Variants in STK39 observed in about 807,000 individuals in gnomAD.
STK39 encodes serine/threonine kinase 39.
STK39 carries 20 observed loss-of-function variants against 77.8 expected under a neutral mutation model. The observed-to-expected ratio is 0.26, with a 90% CI of 0.18 to 0.37. The LOEUF is 0.37. STK39 is among the 10% of genes least tolerant of loss of function. The probability of loss-of-function intolerance (pLI) is 1.00; values close to 1 mark genes in which losing one functional copy is unlikely to be tolerated. For missense variants in STK39, 479 were observed against 656.5 expected, an observed-to-expected ratio of 0.73 and a Z score of 2.95; for synonymous variants, 246 against 234.1, an observed-to-expected ratio of 1.05 and a Z score of -0.47.
intron 1 of STK39, among the ~76,000 whole-genome samples, chr2:168,236,365 GAGT>G (rs1428173208): frequency 6.6e-6 from 1 of 152,120 alleles, no homozygotes; most frequent in Non-Finnish European, 1.5e-5. Context: ...TTTGTCAGAT[GAGT>G]AGATTGCAAA....
chr2:167,996,526 C>T (rs1001557518), intron 16 of STK39, among the ~76,000 whole-genome samples: 3 of 152,184 alleles, frequency 2.0e-5, no homozygotes, highest in Admixed American at 6.5e-5. Flanking sequence ...GCGTCCAGCC[C>T]GCCCCCCAGG....
intron 2 of STK39, among the ~76,000 whole-genome samples, chr2:168,171,380 G>C (rs1014755145): frequency 2.0e-5 from 3 of 150,360 alleles, no homozygotes; most frequent in African/African-American, 4.9e-5. Flanking sequence ...GTGTGGTGAG[G>C]AATACAAAAT....
chr2:168,226,155 G>A (rs546518180), intron 1 of STK39, among the ~76,000 whole-genome samples: 14 of 152,178 alleles, frequency 9.2e-5, no homozygotes, highest in Non-Finnish European at 2.1e-4. Flanking sequence ...CATGAGCAAA[G>A]CAAACACATG....
chr2:168,144,867 G>A (rs1688093100), intron 5 of STK39, among the ~76,000 whole-genome samples: 1 of 151,808 alleles, frequency 6.6e-6, no homozygotes, highest in Non-Finnish European at 1.5e-5. Flanking sequence ...TGTAATTTCA[G>A]CTACTCAGGA....
intron 14 of STK39, among the ~76,000 whole-genome samples, chr2:168,062,203 T>C (rs1412859640): frequency 1.3e-5 from 2 of 152,202 alleles, no homozygotes; most frequent in Non-Finnish European, 2.9e-5. Flanking sequence ...TTGGTAGTCT[T>C]GCTCACCACT....
At chr2:168,041,080 C>T (rs897549065) in intron 14 of STK39, among the ~76,000 whole-genome samples, 6 of 152,056 alleles carry the variant, frequency 3.9e-5, no homozygotes, top group African/African-American at 1.2e-4. Context: ...TGGAGCTTAC[C>T]GTCTAGGGAG....
At chr2:167,977,904 C>T (rs1304708728) in intron 16 of STK39, among the ~76,000 whole-genome samples, 1 of 152,104 alleles carries the variant, frequency 6.6e-6, no homozygotes, top group Non-Finnish European at 1.5e-5. Context: ...TCTCCTACAG[C>T]ATTTGGGGTT....
chr2:168,103,709 G>A (rs1426556399), intron 10 of STK39, among the ~76,000 whole-genome samples: 1 of 152,092 alleles, frequency 6.6e-6, no homozygotes, highest in Admixed American at 6.5e-5. Flanking sequence ...TTTGATGGCT[G>A]AGTGGTTGGT....
rs1574594204 is a variant in STK39 at position 168,247,551 on chromosome 2, C to T, written c.-116G>A. On this transcript the variant is annotated 5_prime_UTR_variant, in exon 1 of 18. Transcript: ENST00000355999. ...CGGCGCACGCCCTCCCCGCCCGCCG[C>T]CGCCGCCGCCGTCCCCGCCGAAGCC... The T allele has an allele frequency of 8.4e-6, 6 of 711,054 alleles. No individual in the cohort carries two copies. The East Asian group carries it at 4.5e-4, about 53-fold the overall frequency. 44.0% of individuals were successfully genotyped at this position (711,054 alleles called of 1,614,324 possible).
chr2:167,971,941 T>C (rs778462468), intron 16 of STK39, among the ~76,000 whole-genome samples: 15 of 152,272 alleles, frequency 9.9e-5, no homozygotes, highest in Non-Finnish European at 1.8e-4. Context: ...TTTTGTCTCA[T>C]GTATTTTACT....
chr2:168,001,561 T>C (rs2105298106), intron 16 of STK39, among the ~76,000 whole-genome samples: 2 of 152,248 alleles, frequency 1.3e-5, no homozygotes, highest in South Asian at 4.1e-4. Context: ...CAGGATCAAA[T>C]TTAAGATTAT....
chr2:168,220,489 A>C (rs1367072805), intron 1 of STK39, among the ~76,000 whole-genome samples: 2 of 152,170 alleles, frequency 1.3e-5, no homozygotes, highest in Non-Finnish European at 2.9e-5. Context: ...ATCTTAAATG[A>C]GATGTGCATG....
chr2:168,136,667 G>A (rs1687850560), intron 8 of STK39, among the ~76,000 whole-genome samples: 2 of 152,144 alleles, frequency 1.3e-5, no homozygotes, highest in Admixed American at 1.3e-4. Context: ...GGCTATGAAG[G>A]ATCAAATTCT....
At chr2:167,995,472 T>A (rs1683814061) in intron 16 of STK39, among the ~76,000 whole-genome samples, 1 of 152,150 alleles carries the variant, frequency 6.6e-6, no homozygotes, top group Non-Finnish European at 1.5e-5. Flanking sequence ...AAACAGTGTA[T>A]CCAAAATTCC....
intron 14 of STK39, among the ~76,000 whole-genome samples, chr2:168,046,557 G>A (rs1685247338): frequency 6.6e-6 from 1 of 151,982 alleles, no homozygotes; most frequent in Non-Finnish European, 1.5e-5. Flanking sequence ...AAGTGGAGGT[G>A]AGTCACTTGC....
intron 1 of STK39, among the ~76,000 whole-genome samples, chr2:168,199,319 T>G (rs961876966): frequency 6.6e-6 from 1 of 152,128 alleles, no homozygotes; most frequent in Non-Finnish European, 1.5e-5. Flanking sequence ...AGTCCCAACC[T>G]TTTAGGAGAA....
intron 14 of STK39, among the ~76,000 whole-genome samples, chr2:168,029,392 C>T (rs1409619856): frequency 6.6e-6 from 1 of 152,172 alleles, no homozygotes; most frequent in African/African-American, 2.4e-5. Context: ...TTATAAGGGA[C>T]ACTGAGTAAT....
intron 5 of STK39, among the ~76,000 whole-genome samples, chr2:168,147,776 A>G (rs1688179343): frequency 6.6e-6 from 1 of 152,212 alleles, no homozygotes. Context: ...TGGGCCCAGT[A>G]TACTACACTC....
intron 7 of STK39, 85 bp from the exon 8 acceptor site, chr2:168,138,306 A>T: frequency 6.7e-7 from 1 of 1,501,934 alleles, no homozygotes; most frequent in Non-Finnish European, 8.9e-7. Flanking sequence ...AAGTGTAAAA[A>T]ACCATCCTTG....
Sources: allele counts gnomAD v4.1 joint callset (sites outside exome capture counted in the v4.1 genomes callset), GRCh38; gene constraint gnomAD v4.1.1; transcripts MANE v1.5; gene names NCBI Gene and HGNC (gene_info 2026-07-23, HGNC 2026-07-21).